Variants in AFAP1L2 observed in about 807,000 individuals in gnomAD.
The protein encoded by AFAP1L2 is actin filament associated protein 1 like 2.
AFAP1L2 carries 46 observed loss-of-function variants against 99.3 expected under a neutral mutation model. The observed-to-expected ratio is 0.46, with a 90% CI of 0.37 to 0.59. The LOEUF (loss-of-function observed/expected upper bound fraction) is 0.59, where lower values mean the gene tolerates loss of function less well. Ranked by LOEUF, AFAP1L2 falls within the 20% of genes least tolerant of loss-of-function variation. AFAP1L2 has a pLI of 0.00. For synonymous variants in AFAP1L2, 397 were observed against 419.1 expected, an observed-to-expected ratio of 0.95 and a Z score of 0.64; for missense variants, 959 against 1,034.9, an observed-to-expected ratio of 0.93 and a Z score of 1.01.
intron 2 of AFAP1L2, among the ~76,000 whole-genome samples, chr10:114,338,109 G>A (rs924981823): frequency 4.6e-5 from 7 of 152,234 alleles, no homozygotes; most frequent in Non-Finnish European, 1.0e-4. Flanking sequence ...TGGGCATATA[G>A]CGACATGCCT....
chr10:114,354,657 TTCTTC>T (rs149104071), intron 1 of AFAP1L2, among the ~76,000 whole-genome samples: 2,157 of 152,264 alleles, frequency 0.014, 30 homozygotes, highest in African/African-American at 0.046. Context: ...AAAGAGATCT[TTCTTC>T]TCTTGGGATT....
chr10:114,285,874 G>A, the AFAP1L2 span: 6 of 1,470,914 alleles, frequency 4.1e-6, no homozygotes, highest in East Asian at 1.2e-4. Context: ...TCGGCATCTC[G>A]GGTGGGACAG....
downstream of AFAP1L2, among the ~76,000 whole-genome samples, chr10:114,293,574 C>T (rs888704298): frequency 2.0e-5 from 3 of 152,166 alleles, no homozygotes; most frequent in African/African-American, 7.2e-5. Flanking sequence ...GCCTAACTAG[C>T]CAAGCCTTTT....
intron 1 of AFAP1L2, among the ~76,000 whole-genome samples, chr10:114,361,278 C>T (rs2052370962): frequency 1.3e-5 from 2 of 152,122 alleles, no homozygotes; most frequent in South Asian, 2.1e-4. Context: ...TACATATATT[C>T]TCTTCTGGTG....
chr10:114,396,162 G>T (rs2057692879), intron 1 of AFAP1L2, among the ~76,000 whole-genome samples: 1 of 152,170 alleles, frequency 6.6e-6, no homozygotes, highest in Admixed American at 6.5e-5. Context: ...CTCAGCCCAT[G>T]TAGTCCTCAC....
the AFAP1L2 span, chr10:114,285,885 C>T: frequency 2.0e-6 from 3 of 1,507,084 alleles, no homozygotes; most frequent in Non-Finnish European, 2.7e-6. Context: ...GGTGGGACAG[C>T]TCGCATGCCG....
Position 114,300,297 on chromosome 10 carries a change from T to C in AFAP1L2, c.1854A>G (p.Glu618=). The C allele has an allele frequency of 1.2e-6, 2 of 1,614,140 alleles. No individual in the cohort carries two copies. The highest frequency in any genetic ancestry group is 8.5e-7 in the Non-Finnish European group (1 of 1,180,030). The change falls in exon 15 of 19, where the codon GAA becomes GAG. Residue 618 remains glutamate, a synonymous_variant. Coordinates refer to ENST00000304129, the MANE Select transcript of AFAP1L2 (RefSeq NM_001001936.3). The part of the protein sequence containing the change: ...LRITTVKIQT[E]QQRISFPPSC... The stretch of plus-strand genomic sequence containing the variant: ...TCGGTGGGAAGGAGATTCTCTGCTG[T>C]TCCGTCTGGATTTTGACGGTGGTGA...
Position 114,309,347 on chromosome 10 carries a change from G to A in AFAP1L2, c.883-830C>T, listed in dbSNP as rs542731768. Among the ~76,000 whole-genome samples the A allele has an allele frequency of 5.3e-5, 8 of 152,352 alleles. No homozygotes were observed. The South Asian group carries it at 1.4e-3, about 28-fold the overall frequency. On this transcript the variant is annotated intron_variant, in intron 8 of 18. Coordinates refer to ENST00000304129, the MANE Select transcript of AFAP1L2 (RefSeq NM_001001936.3). ...AGTCACTCTGGAATCTGGAAGGACTGTGGGCTATTTCTCCATGTGGGATGA... is the reference window on the plus strand; with the variant it reads ...AGTCACTCTGGAATCTGGAAGGACTATGGGCTATTTCTCCATGTGGGATGA...
At chr10:114,320,858 A>C (rs2045132370) in intron 5 of AFAP1L2, among the ~76,000 whole-genome samples, 1 of 152,122 alleles carries the variant, frequency 6.6e-6, no homozygotes, top group African/African-American at 2.4e-5. Context: ...TTCCACCTTC[A>C]ACGCGCATCC....
intron 5 of AFAP1L2, among the ~76,000 whole-genome samples, chr10:114,322,371 C>T (rs1287830125): frequency 1.3e-5 from 2 of 152,180 alleles, no homozygotes; most frequent in African/African-American, 4.8e-5. Flanking sequence ...GCGTCCCCAC[C>T]TCCTTTCATT....
intron 5 of AFAP1L2, among the ~76,000 whole-genome samples, chr10:114,316,999 T>C (rs1417046037): frequency 1.3e-5 from 2 of 152,258 alleles, no homozygotes; most frequent in Non-Finnish European, 2.9e-5. Flanking sequence ...GTCCTTGTTC[T>C]GTCCCCTTGA....
At chr10:114,323,555 T>C (rs2045729595) in intron 4 of AFAP1L2, among the ~76,000 whole-genome samples, 1 of 152,202 alleles carries the variant, frequency 6.6e-6, no homozygotes, top group Non-Finnish European at 1.5e-5. Context: ...AATATCATTA[T>C]GTACATGATA....
chr10:114,316,028 C>G (rs1290690482), intron 5 of AFAP1L2, among the ~76,000 whole-genome samples: 1 of 152,258 alleles, frequency 6.6e-6, no homozygotes, highest in Admixed American at 6.5e-5. Flanking sequence ...CCTTTTCTTC[C>G]TCAAATCCTG....
At chr10:114,307,762 C>T (rs768521193) in intron 10 of AFAP1L2, 43 bp downstream of exon 10, 4 of 1,566,400 alleles carry the variant, frequency 2.6e-6, no homozygotes, top group Non-Finnish European at 3.5e-6. Context: ...GGTTCCAGCC[C>T]AGGAAATGAG....
chr10:114,307,795 C>G lies in AFAP1L2; in HGVS notation c.1072+10G>C. On this transcript the variant is annotated intron_variant, in intron 10 of 18. Coordinates refer to ENST00000304129, the MANE Select transcript of AFAP1L2 (RefSeq NM_001001936.3). ...GAGCCTGTGGTCCCGGAGGTAGCTA[C>G]AATTCTTACTGGATGTCTCGAGGGA... The G allele has an allele frequency of 1.9e-6, 3 of 1,611,498 alleles. No individual in the cohort carries two copies. The Admixed American group carries it at 5.0e-5, about 27-fold the overall frequency.
At chr10:114,293,345 G>T (rs1356606662), downstream of AFAP1L2, among the ~76,000 whole-genome samples, 1 of 152,212 alleles carries the variant, frequency 6.6e-6, no homozygotes, top group Non-Finnish European at 1.5e-5. Flanking sequence ...TATAATGTAG[G>T]CTTTTTGTCT....
intron 1 of AFAP1L2, among the ~76,000 whole-genome samples, chr10:114,373,681 G>T (rs562441396): frequency 6.6e-6 from 1 of 152,028 alleles, no homozygotes; most frequent in African/African-American, 2.4e-5. Flanking sequence ...AAAAATTTCA[G>T]TTCCAGCACT....
At chr10:114,378,067 G>A (rs1439188282) in intron 1 of AFAP1L2, among the ~76,000 whole-genome samples, 1 of 152,242 alleles carries the variant, frequency 6.6e-6, no homozygotes, top group Non-Finnish European at 1.5e-5. Flanking sequence ...AGGTCCTTCA[G>A]AATGAGGGTA....
intron 1 of AFAP1L2, among the ~76,000 whole-genome samples, chr10:114,360,022 G>A (rs1414800891): frequency 1.3e-5 from 2 of 152,184 alleles, no homozygotes; most frequent in Non-Finnish European, 2.9e-5. Context: ...ACTTCACTGG[G>A]TCACAGGGTG....
Sources: gnomAD v4.1 joint callset for allele counts (sites outside exome capture counted in the v4.1 genomes callset) on GRCh38, gnomAD v4.1.1 for gene constraint, MANE v1.5 for transcripts, NCBI Gene and HGNC (gene_info 2026-07-23, HGNC 2026-07-21) for gene names.